The following RGS6 variants were observed in gnomAD, a reference collection of about 807,000 sequenced individuals.
The protein encoded by RGS6 is regulator of G protein signaling 6, also known as regulator of G-protein signaling 6.
In RGS6, 30 loss-of-function variants were observed where a neutral mutation model predicts 78.5. That is an observed-to-expected ratio of 0.38 (90% CI 0.29 to 0.52). RGS6 has a LOEUF of 0.52. RGS6 is among the 20% of genes least tolerant of loss of function. The pLI, the probability that RGS6 is intolerant of heterozygous loss-of-function variation, is 0.85. For missense variants in RGS6, 495 were observed against 609.7 expected (o/e 0.81, Z 1.98); for synonymous variants, 206 against 206.0 (o/e 1.00, Z 0.00).
chr14:72,512,858 C>T (rs551560483), intron 14 of RGS6, among the ~76,000 whole-genome samples: 16 of 152,360 alleles, frequency 1.1e-4, no homozygotes, highest in East Asian at 5.8e-4. Flanking sequence ...CCAACCGTGG[C>T]ACAGGGCTGG....
At chr14:72,067,130 A>G (rs1016955347) in intron 2 of RGS6, among the ~76,000 whole-genome samples, 8 of 152,180 alleles carry the variant, frequency 5.3e-5, no homozygotes, top group African/African-American at 1.9e-4. Context: ...ATACGTGTGC[A>G]TGTGTCTTTA....
the RGS6 span, among the ~76,000 whole-genome samples, chr14:72,572,804 T>C: frequency 0.1 from 15,812 of 151,806 alleles, 1,238 homozygotes; most frequent in African/African-American, 0.21. Context: ...ATAAATTGTA[T>C]GGTATGTGAA....
At chr14:71,985,384 A>T (rs2094658688) in intron 2 of RGS6, among the ~76,000 whole-genome samples, 1 of 152,172 alleles carries the variant, frequency 6.6e-6, no homozygotes, top group Non-Finnish European at 1.5e-5. Context: ...GGCCTCCCAG[A>T]GTGCGGGGAT....
intron 2 of RGS6, among the ~76,000 whole-genome samples, chr14:72,188,104 C>T (rs992108350): frequency 6.6e-6 from 1 of 151,748 alleles, no homozygotes; most frequent in Non-Finnish European, 1.5e-5. Context: ...TTCCTAAGTG[C>T]AAGAAGGCTG....
At chr14:72,370,362 G>T (rs938595400) in intron 3 of RGS6, among the ~76,000 whole-genome samples, 2 of 152,148 alleles carry the variant, frequency 1.3e-5, no homozygotes, top group Non-Finnish European at 2.9e-5. Flanking sequence ...TGCCATAGGG[G>T]TTGTGGATTT....
intron 2 of RGS6, among the ~76,000 whole-genome samples, chr14:72,142,328 A>G (rs1598303572): frequency 6.6e-6 from 1 of 151,550 alleles, no homozygotes. Context: ...AAAAAAAGAG[A>G]GGAGAGAGAT....
At chr14:72,601,653 T>C in the RGS6 span, among the ~76,000 whole-genome samples, 2 of 152,232 alleles carry the variant, frequency 1.3e-5, no homozygotes, top group Non-Finnish European at 2.9e-5. Flanking sequence ...ATTATCCATG[T>C]CAGTCATTAC....
chr14:72,088,590 TGCC>T (rs1381033107), intron 2 of RGS6, among the ~76,000 whole-genome samples: 1 of 152,146 alleles, frequency 6.6e-6, no homozygotes, highest in Non-Finnish European at 1.5e-5. Context: ...GCTCCCTTTA[TGCC>T]CCCGCCCCAC....
intron 3 of RGS6, among the ~76,000 whole-genome samples, chr14:72,443,303 C>T (rs1198358829): frequency 6.6e-6 from 1 of 152,228 alleles, no homozygotes; most frequent in Non-Finnish European, 1.5e-5. Flanking sequence ...GCACTATACC[C>T]GTAAGATCTT....
intron 2 of RGS6, among the ~76,000 whole-genome samples, chr14:72,236,996 C>A (rs2051253974): frequency 6.6e-6 from 1 of 152,172 alleles, no homozygotes; most frequent in African/African-American, 2.4e-5. Flanking sequence ...GCAGAGGGAA[C>A]CCATGTTCTG....
chr14:72,205,374 G>C (rs905277795), intron 2 of RGS6, among the ~76,000 whole-genome samples: 46 of 152,170 alleles, frequency 3.0e-4, no homozygotes, highest in African/African-American at 1.0e-3. Context: ...ACTTCCCCTG[G>C]AGGGCTTGCA....
intron 7 of RGS6, among the ~76,000 whole-genome samples, chr14:72,468,448 C>A (rs1242689586): frequency 6.6e-6 from 1 of 151,600 alleles, no homozygotes; most frequent in Non-Finnish European, 1.5e-5. Context: ...GATTCAAAAC[C>A]AAAAAAGCAT....
At chr14:72,154,042 T>G (rs185991102) in intron 2 of RGS6, among the ~76,000 whole-genome samples, 170 of 152,282 alleles carry the variant, frequency 1.1e-3, no homozygotes, top group Admixed American at 2.9e-3. Context: ...CGGCCGTTTA[T>G]AGACCTCGCC....
intron 2 of RGS6, chr14:71,990,729 A>C (rs1022641157): frequency 2.2e-6 from 1 of 455,890 alleles, no homozygotes; most frequent in African/African-American, 2.0e-5. Context: ...TACATGCTGC[A>C]TTGAGGATCC....
the RGS6 span, among the ~76,000 whole-genome samples, chr14:72,584,245 A>G: frequency 6.6e-6 from 1 of 152,216 alleles, no homozygotes; most frequent in Non-Finnish European, 1.5e-5. Flanking sequence ...CATTCAATGT[A>G]TATTGAACAC....
At chr14:72,614,733 AAAT>A in the RGS6 span, among the ~76,000 whole-genome samples, 1 of 150,120 alleles carries the variant, frequency 6.7e-6, no homozygotes, top group Non-Finnish European at 1.5e-5. Flanking sequence ...CCTTTTTACA[AAAT>A]AATAATAATA....
the RGS6 span, among the ~76,000 whole-genome samples, chr14:71,880,698 G>T: frequency 8.4e-4 from 128 of 152,368 alleles, no homozygotes; most frequent in Admixed American, 1.6e-3. Flanking sequence ...GAGGATGTAT[G>T]GAAATGCCTG....
intron 3 of RGS6, among the ~76,000 whole-genome samples, chr14:72,406,901 G>T (rs2092977651): frequency 6.6e-6 from 1 of 152,128 alleles, no homozygotes; most frequent in African/African-American, 2.4e-5. Flanking sequence ...CCCACCATGT[G>T]GATATCCAGC....
chr14:72,325,262 C>A (rs959017374), intron 2 of RGS6, among the ~76,000 whole-genome samples: 1 of 152,188 alleles, frequency 6.6e-6, no homozygotes, highest in Non-Finnish European at 1.5e-5. Context: ...AGCCCTTTGT[C>A]AGATGGGTAC....
Sources: gnomAD v4.1 joint callset for allele counts (sites outside exome capture counted in the v4.1 genomes callset) on GRCh38, gnomAD v4.1.1 for gene constraint, MANE v1.5 for transcripts, NCBI Gene and HGNC (gene_info 2026-07-23, HGNC 2026-07-21) for gene names.